The following SPON1 variants were observed in gnomAD, a reference collection of about 807,000 sequenced individuals.
SPON1 encodes spondin-1.
In SPON1, 52 loss-of-function variants were observed where a neutral mutation model predicts 111.7. The ratio of observed to expected loss-of-function variants is 0.47; its 90% CI spans 0.37 to 0.59. SPON1 has a LOEUF of 0.59. SPON1 is among the 20% of genes least tolerant of loss of function. The probability of loss-of-function intolerance (pLI) is 0.00; values close to 1 mark genes in which losing one functional copy is unlikely to be tolerated. For synonymous variants in SPON1, 410 were observed against 395.8 expected (o/e 1.04, Z -0.43); for missense variants, 957 against 1,068.5 (o/e 0.90, Z 1.46).
At chr11:14,112,360 C>A (rs1849232701) in intron 5 of SPON1, among the ~76,000 whole-genome samples, 1 of 152,200 alleles carries the variant, frequency 6.6e-6, no homozygotes, top group East Asian at 1.9e-4. Flanking sequence ...CCAATTCTAA[C>A]AAGACCATTA....
intron 6 of SPON1, among the ~76,000 whole-genome samples, chr11:14,162,031 G>A (rs571891826): frequency 2.0e-5 from 3 of 151,728 alleles, no homozygotes; most frequent in Admixed American, 6.6e-5. Flanking sequence ...GGTGGCAAGC[G>A]CCTGTAATCC....
chr11:14,243,209 C>T, intron 6 of SPON1, 123 bp from the exon 7 acceptor site: 3 of 883,584 alleles, frequency 3.4e-6, no homozygotes, highest in East Asian at 2.7e-5. Flanking sequence ...GGCTGTACAC[C>T]CAGGCAGGAA....
At chr11:14,034,026 A>T (rs376571831) in intron 2 of SPON1, among the ~76,000 whole-genome samples, 1 of 130,198 alleles carries the variant, frequency 7.7e-6, no homozygotes, top group South Asian at 2.3e-4. Context: ...CTTTAAAAAT[A>T]TTAAGCTGGG....
chr11:14,117,049 T>C lies in SPON1; in HGVS notation c.677-18371T>C, dbSNP rs1849271982. Among the ~76,000 whole-genome samples, 3 of 152,338 alleles carry C rather than the reference T, an allele frequency of 2.0e-5. No homozygotes were observed. In the South Asian group the frequency reaches 6.2e-4, roughly 32 times the overall value. ...TAGGAATAAAATTGACTTTTGTATT[T>C]TGAATTAATTTTCAGAGACTTTGCT... On this transcript the variant is annotated intron_variant, in intron 5 of 15. Transcript: ENST00000576479.
At chr11:14,095,739 G>A (rs1849095870) in intron 5 of SPON1, among the ~76,000 whole-genome samples, 1 of 152,174 alleles carries the variant, frequency 6.6e-6, no homozygotes, top group African/African-American at 2.4e-5. Flanking sequence ...CCCACACGGG[G>A]GATGGAAGTC....
At chr11:14,113,840 G>C (rs537013235) in intron 5 of SPON1, among the ~76,000 whole-genome samples, 26 of 151,704 alleles carry the variant, frequency 1.7e-4, no homozygotes, top group Admixed American at 3.3e-4. Context: ...TCCTGACCTC[G>C]TGATCCGCCC....
chr11:14,053,919 T>G (rs187329372), intron 3 of SPON1, among the ~76,000 whole-genome samples: 1 of 152,340 alleles, frequency 6.6e-6, no homozygotes, highest in East Asian at 1.9e-4. Flanking sequence ...AGAAGCCACC[T>G]GAAGGTCCTC....
At chr11:14,088,405 A>G (rs112286140) in intron 5 of SPON1, among the ~76,000 whole-genome samples, 2,065 of 152,252 alleles carry the variant, frequency 0.014, 58 homozygotes, top group African/African-American at 0.046. Flanking sequence ...ATTTGGCTAG[A>G]TATGAAATTC....
rs550633178 is a variant in SPON1, at chr11:14,080,997, G to T, written c.676+976G>T. Among the ~76,000 whole-genome samples, 4 of 151,890 alleles carry T rather than the reference G, an allele frequency of 2.6e-5. No individual in the cohort carries two copies. In the South Asian group the frequency reaches 6.2e-4, roughly 24 times the overall value. On this transcript the variant is annotated intron_variant, in intron 5 of 15. Coordinates refer to ENST00000576479, the MANE Select transcript of SPON1 (RefSeq NM_006108.4). ...GCTACTCAAGAGGCTAAGGCAGGAG[G>T]ATCTTAAGCCCAGGAGTTCAAGGCT...
At chr11:14,110,422 G>C (rs1344673790) in intron 5 of SPON1, among the ~76,000 whole-genome samples, 2 of 152,216 alleles carry the variant, frequency 1.3e-5, no homozygotes, top group Admixed American at 6.5e-5. Context: ...ATCTGTGTTA[G>C]AGTTCTCCAG....
chr11:14,123,323 A>G (rs1018688669), intron 5 of SPON1, among the ~76,000 whole-genome samples: 1 of 152,086 alleles, frequency 6.6e-6, no homozygotes, highest in Non-Finnish European at 1.5e-5. Flanking sequence ...GAGTATGACA[A>G]ATGGTTAATT....
At chr11:14,012,458 A>G (rs148682491) in intron 2 of SPON1, among the ~76,000 whole-genome samples, 1 of 152,316 alleles carries the variant, frequency 6.6e-6, no homozygotes, top group East Asian at 1.9e-4. Flanking sequence ...AGAGCAACTT[A>G]GTTATGCCAA....
At chr11:14,169,995 G>A (rs868967373) in intron 6 of SPON1, among the ~76,000 whole-genome samples, 56 of 152,138 alleles carry the variant, frequency 3.7e-4, no homozygotes, top group African/African-American at 8.7e-4. Context: ...TTTTGGTTCC[G>A]TATGAACTTT....
intron 5 of SPON1, among the ~76,000 whole-genome samples, chr11:14,116,938 A>G (rs1475706423): frequency 1.3e-5 from 2 of 152,068 alleles, no homozygotes; most frequent in Admixed American, 1.3e-4. Context: ...TTTTCATGAG[A>G]TTTATTCCTG....
At chr11:14,109,008 C>T (rs1554925170) in intron 5 of SPON1, among the ~76,000 whole-genome samples, 1 of 152,138 alleles carries the variant, frequency 6.6e-6, no homozygotes, top group Non-Finnish European at 1.5e-5. Context: ...TGAGCTGAGT[C>T]CTGGGCAGCT....
chr11:14,163,476 C>T (rs532678960), intron 6 of SPON1, among the ~76,000 whole-genome samples: 2 of 152,228 alleles, frequency 1.3e-5, no homozygotes, highest in Non-Finnish European at 2.9e-5. Context: ...CTCCAGTCAG[C>T]CTCCCTAAAC....
At chr11:14,224,788 G>T in intron 6 of SPON1, 1 of 487,048 alleles carries the variant, frequency 2.1e-6, no homozygotes, top group Non-Finnish European at 4.1e-6. Flanking sequence ...TGGGGCCAAA[G>T]GGTGAGCCCT....
rs782241204 is a variant in SPON1 at position 14,265,738 on chromosome 11, G to A, written c.*51G>A. Reference sequence around the variant, plus strand: ...CACTCTAGATTCCAGAGTCACCAATGGCTGGATTATTTGCTTGTTTAAGAC... The same window carrying A: ...CACTCTAGATTCCAGAGTCACCAATAGCTGGATTATTTGCTTGTTTAAGAC... On this transcript the variant is annotated 3_prime_UTR_variant, in exon 16 of 16. Coordinates refer to ENST00000576479, the MANE Select transcript of SPON1 (RefSeq NM_006108.4). 8.9e-6 allele frequency: 14 copies of A among 1,574,624 alleles called. No individual in the cohort carries two copies. The highest frequency in any genetic ancestry group is 1.2e-5 in the Non-Finnish European group (14 of 1,156,412).
chr11:14,212,688 A>G (rs1484538378), intron 6 of SPON1, among the ~76,000 whole-genome samples: 1 of 152,202 alleles, frequency 6.6e-6, no homozygotes, highest in Admixed American at 6.5e-5. Flanking sequence ...CTCACTAAGT[A>G]GAAGATATTA....
Sources: gnomAD v4.1 joint callset for allele counts (sites outside exome capture counted in the v4.1 genomes callset) on GRCh38, gnomAD v4.1.1 for gene constraint, MANE v1.5 for transcripts, NCBI Gene and HGNC (gene_info 2026-07-23, HGNC 2026-07-21) for gene names.